QTMAN: variants seen among roughly 807,000 people sequenced by gnomAD.
QTMAN encodes queuosine-tRNA mannosyltransferase, also known as tRNA-queuosine alpha-mannosyltransferase.
chr2:144,314,514 C>CGG, the QTMAN span, among the ~76,000 whole-genome samples: 1 of 152,086 alleles, frequency 6.6e-6, no homozygotes, highest in Non-Finnish European at 1.5e-5. Flanking sequence ...AGATCGAGAC[C>CGG]ATCCTGGCTA....
At chr2:144,318,500 A>G in the QTMAN span, among the ~76,000 whole-genome samples, 2 of 152,200 alleles carry the variant, frequency 1.3e-5, no homozygotes, top group Admixed American at 1.3e-4. Context: ...CTTAAAAACC[A>G]TGAAATGAAA....
chr2:144,149,876 A>G, the QTMAN span, among the ~76,000 whole-genome samples: 2 of 152,114 alleles, frequency 1.3e-5, no homozygotes, highest in Non-Finnish European at 2.9e-5. Flanking sequence ...ATGTAAAAAG[A>G]AAAGCTGAAA....
At chr2:144,010,226 G>C in the QTMAN span, among the ~76,000 whole-genome samples, 1 of 152,078 alleles carries the variant, frequency 6.6e-6, no homozygotes, top group East Asian at 1.9e-4. Flanking sequence ...CTAAAGGGTT[G>C]TAAACAACAG....
the QTMAN span, among the ~76,000 whole-genome samples, chr2:144,203,162 T>A: frequency 6.8e-6 from 1 of 148,086 alleles, no homozygotes; most frequent in South Asian, 2.1e-4. Flanking sequence ...TGTGTGTGTG[T>A]GTGTGTGTGT....
At chr2:144,092,868 GGGGTGTGTGTGTGTGTGT>G in the QTMAN span, among the ~76,000 whole-genome samples, 2 of 89,490 alleles carry the variant, frequency 2.2e-5, no homozygotes, top group East Asian at 3.3e-4. Flanking sequence ...ATAAACTTTT[GGGGTGTGTGTGTGTGTGT>G]GTGTGTGTGT....
chr2:144,032,581 T>C, the QTMAN span, among the ~76,000 whole-genome samples: 1 of 152,152 alleles, frequency 6.6e-6, no homozygotes, highest in Admixed American at 6.5e-5. Flanking sequence ...GTGGTGGTAT[T>C]TGTTGGAAAA....
chr2:144,158,150 T>C, the QTMAN span, among the ~76,000 whole-genome samples: 1 of 151,986 alleles, frequency 6.6e-6, no homozygotes, highest in Non-Finnish European at 1.5e-5. Context: ...AACAACTCCT[T>C]GTCTTGAAAA....
At chr2:144,199,956 T>C in the QTMAN span, among the ~76,000 whole-genome samples, 1 of 152,232 alleles carries the variant, frequency 6.6e-6, no homozygotes, top group East Asian at 1.9e-4. Context: ...CTGCTGATTC[T>C]CCTACCATAG....
the QTMAN span, among the ~76,000 whole-genome samples, chr2:144,094,621 T>G: frequency 1.3e-5 from 2 of 152,168 alleles, no homozygotes; most frequent in South Asian, 4.1e-4. Context: ...TCACTCATTA[T>G]CACAAGAACA....
the QTMAN span, among the ~76,000 whole-genome samples, chr2:144,047,876 A>G: frequency 6.6e-6 from 1 of 152,252 alleles, no homozygotes; most frequent in African/African-American, 2.4e-5. Flanking sequence ...CAACCACACA[A>G]CAATGTAAAG....
At chr2:144,096,531 TTGAG>T in the QTMAN span, among the ~76,000 whole-genome samples, 2 of 152,234 alleles carry the variant, frequency 1.3e-5, no homozygotes, top group Admixed American at 6.5e-5. Flanking sequence ...TAAAGGCAAC[TTGAG>T]TGAGTGAAGA....
At chr2:144,105,118 A>G in the QTMAN span, among the ~76,000 whole-genome samples, 1 of 152,226 alleles carries the variant, frequency 6.6e-6, no homozygotes, top group African/African-American at 2.4e-5. Flanking sequence ...CATTACCATC[A>G]TCAAAGATCG....
chr2:144,307,157 CT>C, the QTMAN span, among the ~76,000 whole-genome samples: 1 of 40,474 alleles, frequency 2.5e-5, no homozygotes, highest in African/African-American at 9.2e-5. Flanking sequence ...GAGACTCCGT[CT>C]TAAAAAAAAA....
At chr2:144,317,370 G>A in the QTMAN span, 1 of 142,072 alleles carries the variant, frequency 7.0e-6, no homozygotes, top group Admixed American at 7.3e-5. Context: ...CAAGGGGAAG[G>A]AAGGAAGGAA....
the QTMAN span, among the ~76,000 whole-genome samples, chr2:144,293,034 C>A: frequency 6.6e-6 from 1 of 152,186 alleles, no homozygotes; most frequent in Non-Finnish European, 1.5e-5. Context: ...TTCTGCCAGA[C>A]TGGAGTATAT....
the QTMAN span, among the ~76,000 whole-genome samples, chr2:143,982,043 T>C: frequency 1.3e-5 from 2 of 152,182 alleles, no homozygotes; most frequent in African/African-American, 4.8e-5. Flanking sequence ...GTTCTGAAGG[T>C]AGACTAAATA....
At chr2:144,179,344 T>C in the QTMAN span, among the ~76,000 whole-genome samples, 1 of 152,214 alleles carries the variant, frequency 6.6e-6, no homozygotes, top group East Asian at 1.9e-4. Context: ...CACATGTTAA[T>C]TGAAAATAAT....
the QTMAN span, among the ~76,000 whole-genome samples, chr2:144,135,365 A>G: frequency 4.6e-5 from 7 of 152,142 alleles, no homozygotes; most frequent in Non-Finnish European, 1.0e-4. Context: ...CTAAGTTGTG[A>G]GGCAAGAGAG....
At chr2:144,118,203 A>G in the QTMAN span, among the ~76,000 whole-genome samples, 3 of 152,256 alleles carry the variant, frequency 2.0e-5, no homozygotes, top group South Asian at 6.2e-4. Flanking sequence ...TATGACTTGA[A>G]ATGTGTTATT....
Sources: gnomAD v4.1 joint callset for allele counts (sites outside exome capture counted in the v4.1 genomes callset) on GRCh38, gnomAD v4.1.1 for gene constraint, MANE v1.5 for transcripts, NCBI Gene and HGNC (gene_info 2026-07-23, HGNC 2026-07-21) for gene names.